The following PTPRK variants were observed in gnomAD, a reference collection of about 807,000 sequenced individuals.
The protein encoded by PTPRK is protein tyrosine phosphatase receptor type K, also known as receptor-type tyrosine-protein phosphatase kappa.
Under a neutral mutation model 178.0 loss-of-function variants are expected in PTPRK, and 75 were observed. The observed-to-expected ratio is 0.42, with a 90% confidence interval of 0.35 to 0.51. The LOEUF is 0.51. Among genes scored for constraint, PTPRK ranks in the 20% least tolerant of loss-of-function variants. PTPRK has a pLI of 0.02. For missense variants in PTPRK, 1,441 were observed against 1,797.8 expected (o/e 0.80, Z 3.59); for synonymous variants, 637 against 620.6 (o/e 1.03, Z -0.39).
At chr6:128,461,951 T>G (rs1035573276) in intron 1 of PTPRK, among the ~76,000 whole-genome samples, 10 of 152,228 alleles carry the variant, frequency 6.6e-5, no homozygotes, top group African/African-American at 2.4e-4. Flanking sequence ...TCATATTACA[T>G]CTAACATTTT....
At chr6:128,033,850 G>A (rs1775763441) in intron 13 of PTPRK, among the ~76,000 whole-genome samples, 1 of 151,928 alleles carries the variant, frequency 6.6e-6, no homozygotes. Context: ...GTAACAGAAT[G>A]AGACCTTGTC....
rs1227726831 is a variant in PTPRK at position 128,520,295 on chromosome 6, G to A, written c.64C>T (p.Pro22Ser). 1 of 1,609,138 alleles carries A rather than the reference G, an allele frequency of 6.2e-7. No homozygotes were observed. The highest frequency in any genetic ancestry group is 1.1e-5 in the South Asian group (1 of 90,152). Residue 22 changes from proline (P) to serine (S), a missense_variant, in exon 1 of 30, where the codon CCT (proline) becomes TCT (serine). Around this residue, in one of 4 missense-constraint regions of PTPRK, gnomAD observed 158 missense variants for 188.0 expected, o/e 0.84. Transcript: ENST00000368226. ...FVALLLLSPW[P>S]LLGSAQGQFS... is the part of the protein sequence containing the mutation. ...TGGCCTTGGGCCGATCCCAGGAGAG[G>A]CCAAGGAGAGAGGAGCAAGAGCGCC...
At chr6:128,401,176 C>T (rs753471845) in intron 1 of PTPRK, among the ~76,000 whole-genome samples, 1 of 152,098 alleles carries the variant, frequency 6.6e-6, no homozygotes, top group Non-Finnish European at 1.5e-5. Context: ...TGATAGCAAG[C>T]CACTTAAGGG....
At chr6:128,468,104 C>T (rs551166624) in intron 1 of PTPRK, among the ~76,000 whole-genome samples, 129 of 152,276 alleles carry the variant, frequency 8.5e-4, no homozygotes, top group African/African-American at 2.9e-3. Context: ...TCTAACATCT[C>T]GCACAACGCG....
intron 7 of PTPRK, among the ~76,000 whole-genome samples, chr6:128,098,962 C>T (rs1477228074): frequency 6.6e-6 from 1 of 151,722 alleles, no homozygotes; most frequent in Non-Finnish European, 1.5e-5. Flanking sequence ...GAATAATAAA[C>T]TAAATATTGG....
chr6:128,188,105 T>A (rs1471810836), intron 6 of PTPRK, among the ~76,000 whole-genome samples: 1 of 152,150 alleles, frequency 6.6e-6, no homozygotes, highest in Non-Finnish European at 1.5e-5. Context: ...ACAGGAGGTA[T>A]CAAATGAAGC....
chr6:128,399,331 C>T (rs538995983), intron 1 of PTPRK, among the ~76,000 whole-genome samples: 8 of 152,326 alleles, frequency 5.3e-5, no homozygotes, highest in Admixed American at 1.3e-4. Flanking sequence ...CATGGTGGCA[C>T]TACAAGCTCT....
intron 11 of PTPRK, among the ~76,000 whole-genome samples, 183 bp downstream of exon 11, chr6:128,078,626 ATTGT>A (rs2114986158): frequency 6.6e-6 from 1 of 152,094 alleles, no homozygotes; most frequent in Admixed American, 6.6e-5. Context: ...TTAGTTATTG[ATTGT>A]TGTGAATCTC....
At chr6:128,231,215 T>C (rs912319359) in intron 5 of PTPRK, among the ~76,000 whole-genome samples, 2 of 152,314 alleles carry the variant, frequency 1.3e-5, no homozygotes, top group Middle Eastern at 3.4e-3. Context: ...TATATAAAGC[T>C]ATGCAGAAAG....
rs138170909 is a variant in PTPRK at position 127,999,505 on chromosome 6, C to T, written c.2495-601G>A. On this transcript the variant is annotated intron_variant, in intron 15 of 29. Transcript: ENST00000368226. ...ACGTGCATTTATATTCAACCTCTGC[C>T]GCCTTGACTTATTACTGTTATTGTT... Among the ~76,000 whole-genome samples the T allele has an allele frequency of 1.8e-3, 269 of 152,110 alleles. 2 individuals are homozygous for T. The highest frequency in any genetic ancestry group is 6.2e-3 in the African/African-American group (257 of 41,514).
intron 6 of PTPRK, among the ~76,000 whole-genome samples, chr6:128,215,145 TA>T (rs575951065): frequency 1.3e-5 from 2 of 152,278 alleles, no homozygotes; most frequent in Non-Finnish European, 2.9e-5. Context: ...ATGATAGATA[TA>T]AAACTATAAC....
intron 5 of PTPRK, among the ~76,000 whole-genome samples, chr6:128,238,844 G>C (rs1300748854): frequency 1.3e-5 from 2 of 152,066 alleles, no homozygotes; most frequent in African/African-American, 4.8e-5. Context: ...CCTGACACTT[G>C]AAAATCAAAT....
At chr6:128,397,726 AT>A in intron 1 of PTPRK, 38 bp from the exon 2 acceptor site, 1 of 1,602,168 alleles carries the variant, frequency 6.2e-7, no homozygotes, top group Non-Finnish European at 8.5e-7. Context: ...TTCTAAACAG[AT>A]TTTCCAAACA....
chr6:128,422,150 T>C (rs1317608712), intron 1 of PTPRK, among the ~76,000 whole-genome samples: 1 of 152,246 alleles, frequency 6.6e-6, no homozygotes, highest in African/African-American at 2.4e-5. Context: ...CATGCACACA[T>C]TTTTAGCATG....
chr6:128,442,613 C>G (rs1027379598), intron 1 of PTPRK, among the ~76,000 whole-genome samples: 9 of 152,172 alleles, frequency 5.9e-5, no homozygotes, highest in Non-Finnish European at 7.3e-5. Flanking sequence ...TACCAAACAC[C>G]TATCTCATTT....
intron 1 of PTPRK, among the ~76,000 whole-genome samples, chr6:128,483,598 A>G (rs1300665371): frequency 2.0e-5 from 3 of 152,056 alleles, no homozygotes; most frequent in African/African-American, 7.2e-5. Context: ...TAGTAATGGA[A>G]CTCTAATGTG....
chr6:128,456,172 T>G (rs923637104), intron 1 of PTPRK, among the ~76,000 whole-genome samples: 2 of 152,060 alleles, frequency 1.3e-5, no homozygotes, highest in Non-Finnish European at 2.9e-5. Flanking sequence ...AAATCTGCCC[T>G]GACAAACTCT....
intron 13 of PTPRK, among the ~76,000 whole-genome samples, chr6:128,014,433 A>G (rs1228615036): frequency 1.5e-5 from 2 of 131,612 alleles, no homozygotes; most frequent in Non-Finnish European, 3.2e-5. Flanking sequence ...AGAATCTTTT[A>G]GAGTGAATGC....
intron 3 of PTPRK, among the ~76,000 whole-genome samples, chr6:128,249,861 G>C (rs1816171402): frequency 6.6e-6 from 1 of 152,122 alleles, no homozygotes; most frequent in Non-Finnish European, 1.5e-5. Context: ...AAGGTGCAAA[G>C]ACATTTCCCA....
Sources: allele counts gnomAD v4.1 joint callset (sites outside exome capture counted in the v4.1 genomes callset), GRCh38; gene constraint gnomAD v4.1.1; regional missense constraint gnomAD v4.1.1; transcripts MANE v1.5; gene names NCBI Gene and HGNC (gene_info 2026-07-23, HGNC 2026-07-21).